The following MCTP1 variants were observed in gnomAD, a reference collection of about 807,000 sequenced individuals.
The protein encoded by MCTP1 is multiple C2 and transmembrane domain-containing protein 1.
Under a neutral mutation model 120.6 loss-of-function variants are expected in MCTP1, and 69 were observed. That is an observed-to-expected ratio of 0.57 (90% confidence interval 0.47 to 0.70). MCTP1 has a LOEUF of 0.70. Ranked by LOEUF, MCTP1 falls within the 30% of genes least tolerant of loss-of-function variation. The pLI, the probability that MCTP1 is intolerant of heterozygous loss-of-function variation, is 0.00. For synonymous variants in MCTP1, 529 were observed against 493.1 expected (o/e 1.07, Z -0.96); for missense variants, 1,203 against 1,248.8 (o/e 0.96, Z 0.55).
At chr5:94,739,558 C>G (rs1472149182) in intron 19 of MCTP1, 1 of 152,202 alleles carries the variant, frequency 6.6e-6, no homozygotes, top group Non-Finnish European at 1.5e-5. Context: ...AGTGCCCAAA[C>G]CCAGCCTTTT....
chr5:94,982,884 CAAAA>C (rs34561115), intron 2 of MCTP1, among the ~76,000 whole-genome samples: 50 of 28,612 alleles, frequency 1.7e-3, no homozygotes, highest in African/African-American at 2.9e-3. Flanking sequence ...CACACTTCAT[CAAAA>C]AAAAAAAAAA....
intron 1 of MCTP1, among the ~76,000 whole-genome samples, chr5:95,280,230 A>G (rs1441377335): frequency 6.6e-6 from 1 of 152,206 alleles, no homozygotes; most frequent in African/African-American, 2.4e-5. Context: ...TGTTGTAGGA[A>G]TCTTATCCCA....
At chr5:94,993,345 T>C (rs1831982683) in intron 2 of MCTP1, among the ~76,000 whole-genome samples, 1 of 152,152 alleles carries the variant, frequency 6.6e-6, no homozygotes, top group Admixed American at 6.6e-5. Flanking sequence ...GTATTCACAG[T>C]GGACAAAATC....
At chr5:94,837,571 A>G (rs148512818) in intron 17 of MCTP1, among the ~76,000 whole-genome samples, 319 of 152,336 alleles carry the variant, frequency 2.1e-3, no homozygotes, top group South Asian at 6.0e-3. Flanking sequence ...TAAATGAGTT[A>G]CTATTTCTAG....
intron 1 of MCTP1, among the ~76,000 whole-genome samples, chr5:95,245,866 G>A (rs572244166): frequency 6.6e-6 from 1 of 152,192 alleles, no homozygotes; most frequent in African/African-American, 2.4e-5. Flanking sequence ...GCAACCCCAA[G>A]ACACATAATT....
rs1781487201 is a variant in MCTP1 at position 94,802,800 on chromosome 5, C to T, written c.2437-3668G>A. On this transcript the variant is annotated intron_variant, in intron 17 of 22. Transcript: ENST00000515393. ...GTATTCACAGAATACAAAAATAAAC[C>T]ATAAAATGTCTAGCATTTGTCCAGA... Among the ~76,000 whole-genome samples, 3 of 152,010 alleles carry T rather than the reference C, an allele frequency of 2.0e-5. No homozygotes were observed. In the South Asian group the frequency reaches 6.2e-4, roughly 32 times the overall value.
At chr5:94,932,253 A>G (rs1411625409) in intron 5 of MCTP1, among the ~76,000 whole-genome samples, 2 of 145,570 alleles carry the variant, frequency 1.4e-5, no homozygotes, top group Non-Finnish European at 3.0e-5. Context: ...CAGTATCGGG[A>G]TGCCTTTATT....
At chr5:95,102,192 G>C (rs1756784265) in intron 1 of MCTP1, among the ~76,000 whole-genome samples, 1 of 152,264 alleles carries the variant, frequency 6.6e-6, no homozygotes, top group East Asian at 1.9e-4. Context: ...GGCCTCAAGA[G>C]GTTGTTAATG....
chr5:95,202,283 T>C (rs1414968692), intron 1 of MCTP1, among the ~76,000 whole-genome samples: 3 of 152,218 alleles, frequency 2.0e-5, no homozygotes, highest in Non-Finnish European at 2.9e-5. Flanking sequence ...CTGTAAGACT[T>C]AAACAAGCTG....
chr5:95,096,073 T>C (rs1378334349), intron 1 of MCTP1, among the ~76,000 whole-genome samples: 1 of 152,158 alleles, frequency 6.6e-6, no homozygotes, highest in Non-Finnish European at 1.5e-5. Flanking sequence ...ACTAATGACA[T>C]AAGTGATTTT....
At chr5:94,998,862 T>G (rs563857107) in intron 2 of MCTP1, among the ~76,000 whole-genome samples, 44 of 152,164 alleles carry the variant, frequency 2.9e-4, no homozygotes, top group Non-Finnish European at 5.9e-4. Flanking sequence ...TTCGTAGACA[T>G]TGCCCAAACC....
intron 18 of MCTP1, among the ~76,000 whole-genome samples, chr5:94,795,632 C>T (rs77352112): frequency 0.042 from 6,349 of 152,246 alleles, 225 homozygotes; most frequent in South Asian, 0.15. Flanking sequence ...TGAAGCATGT[C>T]TTAAATGGTT....
chr5:95,062,419 T>C (rs1234522341), intron 1 of MCTP1, among the ~76,000 whole-genome samples: 3 of 152,094 alleles, frequency 2.0e-5, no homozygotes, highest in African/African-American at 7.2e-5. Context: ...GTATCTCTAT[T>C]TTTTTTGGTT....
intron 1 of MCTP1, among the ~76,000 whole-genome samples, chr5:95,159,328 T>C (rs1177205137): frequency 3.3e-5 from 5 of 152,234 alleles, no homozygotes; most frequent in African/African-American, 1.2e-4. Context: ...GCTATGCTAA[T>C]AGTTGCTTTC....
intron 1 of MCTP1, among the ~76,000 whole-genome samples, chr5:95,219,806 A>G (rs1268755363): frequency 6.6e-6 from 1 of 152,238 alleles, no homozygotes; most frequent in East Asian, 1.9e-4. Flanking sequence ...CTGTCCCTTC[A>G]TTTGACTCCC....
intron 1 of MCTP1, among the ~76,000 whole-genome samples, chr5:95,187,083 G>C (rs1313462894): frequency 6.6e-6 from 1 of 152,176 alleles, no homozygotes; most frequent in African/African-American, 2.4e-5. Flanking sequence ...ATATAATCCA[G>C]CAATCCTAAC....
intron 19 of MCTP1, among the ~76,000 whole-genome samples, chr5:94,773,718 A>C (rs1348518509): frequency 2.6e-5 from 4 of 152,178 alleles, no homozygotes; most frequent in Non-Finnish European, 5.9e-5. Context: ...GGTGGCAGGC[A>C]AGAGTGAGTG....
At chr5:94,864,656 C>T (rs959388388) in intron 17 of MCTP1, among the ~76,000 whole-genome samples, 39 of 151,870 alleles carry the variant, frequency 2.6e-4, no homozygotes, top group Admixed American at 1.6e-3. Flanking sequence ...TACTGTATAA[C>T]GACAGAAAAG....
chr5:95,201,094 C>G (rs1177435063), intron 1 of MCTP1, among the ~76,000 whole-genome samples: 3 of 152,192 alleles, frequency 2.0e-5, no homozygotes, highest in African/African-American at 7.2e-5. Flanking sequence ...TGCACTGGGA[C>G]TGAGGAAATT....
Sources: allele counts gnomAD v4.1 joint callset (sites outside exome capture counted in the v4.1 genomes callset), GRCh38; gene constraint gnomAD v4.1.1; transcripts MANE v1.5; gene names NCBI Gene and HGNC (gene_info 2026-07-23, HGNC 2026-07-21).